Variants in NCOA2 observed in about 807,000 individuals in gnomAD.
NCOA2 encodes the protein class E basic helix-loop-helix protein 75.
NCOA2 carries 21 observed loss-of-function variants against 145.1 expected under a neutral mutation model. That is an observed-to-expected ratio of 0.14 (90% CI 0.10 to 0.21). NCOA2 has a LOEUF of 0.21. Among genes scored for constraint, NCOA2 ranks in the 10% least tolerant of loss-of-function variants. NCOA2 has a pLI of 1.00. For missense variants in NCOA2, 1,472 were observed against 1,837.6 expected (o/e 0.80, Z 3.64); for synonymous variants, 619 against 637.5 (o/e 0.97, Z 0.44).
chr8:70,359,075 T>C (rs983963250), intron 1 of NCOA2, among the ~76,000 whole-genome samples: 2 of 152,144 alleles, frequency 1.3e-5, no homozygotes, highest in Admixed American at 1.3e-4. Flanking sequence ...TTGAAAAAAA[T>C]TGCTAATAAC....
intron 2 of NCOA2, among the ~76,000 whole-genome samples, chr8:70,250,717 A>G (rs1823095766): frequency 6.6e-6 from 1 of 152,154 alleles, no homozygotes; most frequent in Non-Finnish European, 1.5e-5. Context: ...ATCTATAAAG[A>G]TTTCTTCTTT....
chr8:70,183,819 A>C (rs936019440), intron 4 of NCOA2, among the ~76,000 whole-genome samples: 3 of 152,074 alleles, frequency 2.0e-5, no homozygotes, highest in Non-Finnish European at 2.9e-5. Context: ...CCTTTTCACT[A>C]CATTGCTGGC....
chr8:70,233,680 C>G (rs1346890158), intron 2 of NCOA2, among the ~76,000 whole-genome samples: 5 of 152,132 alleles, frequency 3.3e-5, no homozygotes, highest in Non-Finnish European at 7.4e-5. Flanking sequence ...TCCGTGGTTC[C>G]TCCTTTAACC....
intron 1 of NCOA2, among the ~76,000 whole-genome samples, chr8:70,378,759 A>C (rs1811910460): frequency 1.3e-5 from 2 of 152,030 alleles, no homozygotes; most frequent in Non-Finnish European, 2.9e-5. Context: ...AAAAAAAAAA[A>C]AAAACATAAA....
intron 2 of NCOA2, among the ~76,000 whole-genome samples, chr8:70,282,443 T>C (rs1825954714): frequency 6.6e-6 from 1 of 152,114 alleles, no homozygotes. Context: ...CCCAACACTT[T>C]GGGAGGCCGA....
At chr8:70,119,630 C>T (rs973071348) in intron 22 of NCOA2, among the ~76,000 whole-genome samples, 2 of 152,170 alleles carry the variant, frequency 1.3e-5, no homozygotes, top group Non-Finnish European at 2.9e-5. Context: ...TTTGAGAAAT[C>T]TCCATACTGG....
At chr8:70,203,871 G>A (rs921729971) in intron 4 of NCOA2, among the ~76,000 whole-genome samples, 3 of 152,008 alleles carry the variant, frequency 2.0e-5, no homozygotes, top group African/African-American at 4.8e-5. Flanking sequence ...TAATATCTGC[G>A]CAGCACTAAC....
intron 1 of NCOA2, among the ~76,000 whole-genome samples, chr8:70,304,626 C>T (rs371255588): frequency 6.6e-5 from 10 of 151,548 alleles, no homozygotes; most frequent in East Asian, 3.9e-4. Context: ...CCACCATGCC[C>T]GGCTAATTTT....
At chr8:70,316,934 CT>C (rs1467591513) in intron 1 of NCOA2, among the ~76,000 whole-genome samples, 2 of 152,128 alleles carry the variant, frequency 1.3e-5, no homozygotes, top group Non-Finnish European at 2.9e-5. Context: ...TTAAAGTCCC[CT>C]GTCTTCCTCA....
chr8:70,196,183 C>T (rs1054445730), intron 4 of NCOA2, among the ~76,000 whole-genome samples: 3 of 152,114 alleles, frequency 2.0e-5, no homozygotes, highest in Non-Finnish European at 4.4e-5. Context: ...CGAGACCAGC[C>T]TGGACAACAT....
At chr8:70,216,607 C>T in intron 3 of NCOA2, 53 bp downstream of exon 3, 1 of 1,393,742 alleles carries the variant, frequency 7.2e-7, no homozygotes, top group Non-Finnish European at 1.0e-6. Context: ...CAAAGAAGCA[C>T]TCATGTGGCT....
intron 12 of NCOA2, among the ~76,000 whole-genome samples, chr8:70,147,440 T>C (rs997312152): frequency 6.6e-6 from 1 of 152,210 alleles, no homozygotes; most frequent in African/African-American, 2.4e-5. Flanking sequence ...TTGGCTCAAA[T>C]TGTATCTGAA....
intron 1 of NCOA2, among the ~76,000 whole-genome samples, chr8:70,379,186 T>C (rs958570249): frequency 1.3e-5 from 2 of 152,188 alleles, no homozygotes; most frequent in African/African-American, 2.4e-5. Context: ...TAAGCCTAAA[T>C]TATCAAAAAT....
the NCOA2 span, among the ~76,000 whole-genome samples, chr8:70,434,208 T>C: frequency 6.6e-6 from 1 of 152,170 alleles, no homozygotes; most frequent in African/African-American, 2.4e-5. Flanking sequence ...TTCCTCAGGA[T>C]TGTCTTCGGT....
chr8:70,395,652 C>T (rs1051219681), intron 1 of NCOA2, among the ~76,000 whole-genome samples: 12 of 152,252 alleles, frequency 7.9e-5, no homozygotes, highest in East Asian at 3.9e-4. Context: ...AATGCTACTA[C>T]AATACCAAAG....
chr8:70,352,809 C>G (rs990724308), intron 1 of NCOA2, among the ~76,000 whole-genome samples: 3 of 152,190 alleles, frequency 2.0e-5, no homozygotes, highest in Non-Finnish European at 4.4e-5. Flanking sequence ...AACCCACTTA[C>G]AGGTCACACT....
chr8:70,403,209 T>C (rs1437201343), intron 1 of NCOA2, among the ~76,000 whole-genome samples: 2 of 151,240 alleles, frequency 1.3e-5, no homozygotes, highest in Non-Finnish European at 3.0e-5. Flanking sequence ...TTCTCGGCTC[T>C]GCCGCGCTGC....
intron 2 of NCOA2, among the ~76,000 whole-genome samples, chr8:70,242,746 T>G (rs1822252593): frequency 6.6e-6 from 1 of 152,038 alleles, no homozygotes; most frequent in African/African-American, 2.4e-5. Flanking sequence ...AACTTTTACC[T>G]TCTCAAAAAA....
chr8:70,398,545 T>C (rs1813909829), intron 1 of NCOA2, among the ~76,000 whole-genome samples: 1 of 152,234 alleles, frequency 6.6e-6, no homozygotes, highest in Non-Finnish European at 1.5e-5. Flanking sequence ...CGGAACTGGC[T>C]GCCTACAAAG....
Sources: gnomAD v4.1 joint callset for allele counts (sites outside exome capture counted in the v4.1 genomes callset) on GRCh38, gnomAD v4.1.1 for gene constraint, MANE v1.5 for transcripts, NCBI Gene and HGNC (gene_info 2026-07-23, HGNC 2026-07-21) for gene names.